The following NFATC3 variants were observed in gnomAD, a reference collection of about 807,000 sequenced individuals.
NFATC3 encodes the protein nuclear factor of activated T-cells, cytoplasmic 3.
A neutral mutation model predicts 98.6 loss-of-function variants in NFATC3; 46 were observed. The ratio of observed to expected loss-of-function variants is 0.47; its 90% CI spans 0.37 to 0.60. NFATC3 has a LOEUF of 0.60. NFATC3 is among the 20% of genes least tolerant of loss of function. The pLI, the probability that NFATC3 is intolerant of heterozygous loss-of-function variation, is 0.00. For missense variants in NFATC3, 1,256 were observed against 1,295.5 expected, an observed-to-expected ratio of 0.97 and a Z score of 0.47; for synonymous variants, 512 against 472.2, an observed-to-expected ratio of 1.08 and a Z score of -1.09.
chr16:68,206,969 C>A (rs2041169806), intron 9 of NFATC3, among the ~76,000 whole-genome samples: 1 of 146,966 alleles, frequency 6.8e-6, no homozygotes, highest in South Asian at 2.1e-4. Context: ...GCAACAGAGA[C>A]CCTGTCTCAA....
At chr16:68,099,992 T>C (rs1224109929) in intron 1 of NFATC3, among the ~76,000 whole-genome samples, 1 of 151,976 alleles carries the variant, frequency 6.6e-6, no homozygotes, top group African/African-American at 2.4e-5. Flanking sequence ...CCATTTGAGG[T>C]TGACTTTTTC....
At chr16:68,157,767 C>A in intron 3 of NFATC3, 102 bp from the exon 4 acceptor site, 1 of 822,996 alleles carries the variant, frequency 1.2e-6, no homozygotes, top group Non-Finnish European at 1.8e-6. Context: ...TTTTGTGTGT[C>A]AATAGTATAT....
intron 3 of NFATC3, among the ~76,000 whole-genome samples, chr16:68,137,169 C>T (rs1285524458): frequency 6.6e-6 from 1 of 152,094 alleles, no homozygotes; most frequent in Non-Finnish European, 1.5e-5. Flanking sequence ...TTTGTAGTAA[C>T]AGTTTAAAAC....
chr16:68,112,646 GTTTTTTTTTTTT>G (rs914607835), intron 1 of NFATC3, among the ~76,000 whole-genome samples: 44 of 97,644 alleles, frequency 4.5e-4, no homozygotes, highest in Non-Finnish European at 7.8e-4. Flanking sequence ...TTTCTTTTTC[GTTTTTTTTTTTT>G]TTTTTTTTTT....
chr16:68,128,113 G>A (rs73612697), intron 3 of NFATC3, among the ~76,000 whole-genome samples: 19,190 of 152,022 alleles, frequency 0.13, 1,253 homozygotes, highest in South Asian at 0.19. Context: ...GGCTGTAGAT[G>A]ATAATCTCTT....
intron 1 of NFATC3, among the ~76,000 whole-genome samples, chr16:68,104,684 C>G (rs1269788562): frequency 4.8e-5 from 6 of 124,198 alleles, no homozygotes; most frequent in Non-Finnish European, 9.7e-5. Flanking sequence ...TGGAGTCTGG[C>G]TCTGTCGCCC....
intron 5 of NFATC3, among the ~76,000 whole-genome samples, chr16:68,169,923 G>A (rs933843282): frequency 4.6e-5 from 7 of 151,836 alleles, no homozygotes; most frequent in Non-Finnish European, 8.8e-5. Context: ...ACTGGGCAAC[G>A]AACGAAACTC....
intron 1 of NFATC3, among the ~76,000 whole-genome samples, chr16:68,104,871 G>A (rs1381841795): frequency 2.0e-5 from 3 of 151,866 alleles, no homozygotes; most frequent in African/African-American, 7.3e-5. Flanking sequence ...AGCCAGGATG[G>A]TCTTGATCTC....
intron 3 of NFATC3, among the ~76,000 whole-genome samples, chr16:68,153,281 G>C (rs543870973): frequency 1.3e-5 from 2 of 152,166 alleles, no homozygotes; most frequent in South Asian, 4.2e-4. Context: ...ATTTAGCCGG[G>C]GATGATGGTG....
At position 68,124,518 on chromosome 16, in the gene NFATC3, C is replaced by T. The variant is rs549443736; in HGVS notation, c.1238+1397C>T. Among the ~76,000 whole-genome samples, 56 of 151,718 alleles carry T rather than the reference C, an allele frequency of 3.7e-4. No individual in the cohort carries two copies. The South Asian group carries it at 4.2e-3, about 11-fold the overall frequency. On this transcript the variant is annotated intron_variant, in intron 2 of 9. Transcript: ENST00000346183. ...CGCGATCTCGGCTTACTGCAAGCTCCGCCTCCTGGGTTCACCTACCATTCT... is the reference window on the plus strand; with the variant it reads ...CGCGATCTCGGCTTACTGCAAGCTCTGCCTCCTGGGTTCACCTACCATTCT...
chr16:68,121,922 A>G (rs2036602819), intron 1 of NFATC3, 65 bp from the exon 2 acceptor site: 1 of 1,493,140 alleles, frequency 6.7e-7, no homozygotes, highest in Admixed American at 2.3e-5. Flanking sequence ...CTAGTAATTT[A>G]TACATCTGAG....
At chr16:68,210,324 A>C (rs1225907748) in intron 9 of NFATC3, among the ~76,000 whole-genome samples, 2 of 151,040 alleles carry the variant, frequency 1.3e-5, no homozygotes, top group Non-Finnish European at 3.0e-5. Flanking sequence ...AAAAAAAAAG[A>C]ATACAAAAAA....
At position 68,144,947 on chromosome 16, in the gene NFATC3, C is replaced by T. The variant is rs146730908; in HGVS notation, c.1402-12922C>T. On this transcript the variant is annotated intron_variant, in intron 3 of 9. Coordinates refer to ENST00000346183, the MANE Select transcript of NFATC3 (RefSeq NM_173165.3). Reference sequence around the variant, plus strand: ...TGCTGGGATTACAGGTATGAGCCACCGCACATGGCTGCCTCAACCTGATTT... The same window carrying T: ...TGCTGGGATTACAGGTATGAGCCACTGCACATGGCTGCCTCAACCTGATTT... Among the ~76,000 whole-genome samples, 273 of 152,098 alleles carry T rather than the reference C, an allele frequency of 1.8e-3. 5 individuals carry two copies. The East Asian group carries it at 0.045, about 25-fold the overall frequency.
In NFATC3 at chr16:68,210,229, C is replaced by T. The variant is rs745377960; in HGVS notation, c.3107-16121C>T. ...AGGAGAATGGCGTGAACCCGGAAGG[C>T]GGAGCTTGCAGTGAGCCAAGATCAT... On this transcript the variant is annotated intron_variant, in intron 9 of 9. Coordinates refer to ENST00000346183, the MANE Select transcript of NFATC3 (RefSeq NM_173165.3). Among the ~76,000 whole-genome samples, 125 of 150,106 alleles carry T rather than the reference C, an allele frequency of 8.3e-4. 2 individuals are homozygous for T. The highest frequency in any genetic ancestry group is 2.5e-4 in the Non-Finnish European group (17 of 67,774).
chr16:68,183,825 T>A (rs565901294), intron 8 of NFATC3, among the ~76,000 whole-genome samples: 2 of 151,900 alleles, frequency 1.3e-5, no homozygotes, highest in East Asian at 3.9e-4. Flanking sequence ...CCAACATGGA[T>A]GGAAAAACTT....
intron 1 of NFATC3, chr16:68,088,793 C>A: frequency 5.5e-6 from 1 of 182,062 alleles, no homozygotes; most frequent in Non-Finnish European, 1.0e-5. Flanking sequence ...CTCAGCCTCC[C>A]AAAGTGGTGG....
chr16:68,098,632 T>C (rs2035174671), intron 1 of NFATC3, among the ~76,000 whole-genome samples: 1 of 152,170 alleles, frequency 6.6e-6, no homozygotes, highest in African/African-American at 2.4e-5. Context: ...CCAAACTGTT[T>C]TCCAAAGTGG....
At chr16:68,147,472 T>C (rs1181054567) in intron 3 of NFATC3, among the ~76,000 whole-genome samples, 1 of 152,212 alleles carries the variant, frequency 6.6e-6, no homozygotes, top group Non-Finnish European at 1.5e-5. Context: ...TAAAATTTAT[T>C]CTTTCAACAA....
intron 6 of NFATC3, among the ~76,000 whole-genome samples, chr16:68,175,970 G>A (rs1704358073): frequency 6.6e-6 from 1 of 151,964 alleles, no homozygotes; most frequent in African/African-American, 2.4e-5. Context: ...ACCATCATCT[G>A]AATTGACCCT....
Sources: allele counts gnomAD v4.1 joint callset (sites outside exome capture counted in the v4.1 genomes callset), GRCh38; gene constraint gnomAD v4.1.1; transcripts MANE v1.5; gene names NCBI Gene and HGNC (gene_info 2026-07-23, HGNC 2026-07-21).